The following SDCCAG8 variants were observed in gnomAD, a reference collection of about 807,000 sequenced individuals.
The protein encoded by SDCCAG8 is serologically defined colon cancer antigen 8.
Under a neutral mutation model 101.8 loss-of-function variants are expected in SDCCAG8, and 74 were observed. The observed-to-expected ratio is 0.73, with a 90% CI of 0.60 to 0.88. The LOEUF (loss-of-function observed/expected upper bound fraction) is 0.88. Among genes scored for constraint, SDCCAG8 ranks in the 40% least tolerant of loss-of-function variants. The pLI, the probability that SDCCAG8 is intolerant of heterozygous loss-of-function variation, is 0.00. For missense variants in SDCCAG8, 787 were observed against 822.6 expected (o/e 0.96, Z 0.53); for synonymous variants, 281 against 292.9 (o/e 0.96, Z 0.41).
chr1:243,446,139 A>C (rs1247319290), intron 16 of SDCCAG8, among the ~76,000 whole-genome samples: 1 of 152,232 alleles, frequency 6.6e-6, no homozygotes, highest in East Asian at 1.9e-4. Flanking sequence ...GATCAGGGTA[A>C]GTGGTGCTCC....
chr1:243,495,487 G>GGAAGAATGGCCGCTGCCCTGCGAT (rs1667595281), intron 17 of SDCCAG8, among the ~76,000 whole-genome samples: 1 of 152,236 alleles, frequency 6.6e-6, no homozygotes, highest in Admixed American at 6.5e-5. Flanking sequence ...CAGCCAGGAG[G>GGAAGAATGGCCGCTGCCCTGCGAT]GAAGAATGGC....
At chr1:243,499,695 G>C (rs747461445) in intron 17 of SDCCAG8, 61 bp from the exon 18 acceptor site, 1 of 1,327,776 alleles carries the variant, frequency 7.5e-7, no homozygotes, top group Non-Finnish European at 1.1e-6. Context: ...CAGCAAATGA[G>C]AAGACAAATA....
chr1:243,478,956 C>CAAAAAAAAAAAAAAAAAAAAAAAA (rs148382740), intron 16 of SDCCAG8, among the ~76,000 whole-genome samples: 3 of 94,724 alleles, frequency 3.2e-5, no homozygotes, highest in African/African-American at 1.3e-4. Context: ...GACTCTGTCT[C>CAAAAAAAAAAAAAAAAAAAAAAAA]AAAAAAAAAA....
chr1:243,423,493 T>G (rs1436069943), intron 15 of SDCCAG8, among the ~76,000 whole-genome samples: 1 of 152,170 alleles, frequency 6.6e-6, no homozygotes, highest in Non-Finnish European at 1.5e-5. Flanking sequence ...AAAACTTTAT[T>G]AAATGATTTG....
intron 10 of SDCCAG8, among the ~76,000 whole-genome samples, chr1:243,339,109 G>A (rs1453668326): frequency 1.3e-5 from 2 of 151,252 alleles, no homozygotes; most frequent in Non-Finnish European, 2.9e-5. Flanking sequence ...AGTGGGGTGG[G>A]CGGCAGGAGG....
At chr1:243,354,385 G>A (rs892348684) in intron 12 of SDCCAG8, among the ~76,000 whole-genome samples, 1 of 152,150 alleles carries the variant, frequency 6.6e-6, no homozygotes, top group Non-Finnish European at 1.5e-5. Flanking sequence ...ACTGTCATCT[G>A]CAATTTTAGA....
intron 3 of SDCCAG8, among the ~76,000 whole-genome samples, chr1:243,274,065 TCTGCAGG>T (rs2068314568): frequency 6.6e-6 from 1 of 152,218 alleles, no homozygotes; most frequent in Non-Finnish European, 1.5e-5. Context: ...AGCTCATGGT[TCTGCAGG>T]CTGTATAGGA....
chr1:243,316,535 T>C (rs2073251589), intron 8 of SDCCAG8, among the ~76,000 whole-genome samples: 1 of 152,204 alleles, frequency 6.6e-6, no homozygotes, highest in Non-Finnish European at 1.5e-5. Flanking sequence ...CCCGCACAGA[T>C]GCCGTCCTGC....
intron 13 of SDCCAG8, among the ~76,000 whole-genome samples, chr1:243,408,594 C>G (rs1413130503): frequency 6.6e-6 from 1 of 152,114 alleles, no homozygotes; most frequent in Non-Finnish European, 1.5e-5. Context: ...CACTTGTTAT[C>G]CTTTCAACCT....
chr1:243,368,196 A>AAT (rs746109269), intron 12 of SDCCAG8, among the ~76,000 whole-genome samples: 1 of 131,204 alleles, frequency 7.6e-6, no homozygotes, highest in African/African-American at 2.9e-5. Context: ...ACACTAAGAC[A>AAT]ATGAGACCCT....
At chr1:243,350,853 G>C (rs1255143650) in intron 12 of SDCCAG8, among the ~76,000 whole-genome samples, 1 of 152,148 alleles carries the variant, frequency 6.6e-6, no homozygotes, top group Non-Finnish European at 1.5e-5. Context: ...TGAAGACCCA[G>C]CTCATGGACC....
intron 13 of SDCCAG8, among the ~76,000 whole-genome samples, chr1:243,410,234 A>C (rs1474583610): frequency 1.3e-5 from 2 of 152,168 alleles, no homozygotes; most frequent in African/African-American, 4.8e-5. Context: ...GAATACTACC[A>C]AAGAGGGATT....
chr1:243,389,413 G>A (rs2078558921), intron 13 of SDCCAG8, among the ~76,000 whole-genome samples: 1 of 152,156 alleles, frequency 6.6e-6, no homozygotes, highest in Non-Finnish European at 1.5e-5. Flanking sequence ...GCATGCACAT[G>A]TATTGTGCTT....
intron 16 of SDCCAG8, chr1:243,476,405 G>A (rs1180256523): frequency 1.0e-6 from 1 of 970,574 alleles, no homozygotes; most frequent in Non-Finnish European, 1.2e-6. Context: ...AGCTGCTGTG[G>A]GCCCAATCTT....
intron 13 of SDCCAG8, among the ~76,000 whole-genome samples, chr1:243,412,055 T>C (rs1326807403): frequency 6.6e-6 from 1 of 152,176 alleles, no homozygotes; most frequent in African/African-American, 2.4e-5. Context: ...TCTTACGAAG[T>C]ATTTTGCCAT....
intron 1 of SDCCAG8, among the ~76,000 whole-genome samples, chr1:243,256,447 G>GTTAC (rs1289446394): frequency 6.6e-6 from 1 of 152,232 alleles, no homozygotes; most frequent in Non-Finnish European, 1.5e-5. Flanking sequence ...GATTCCCGTA[G>GTTAC]TTACCTCAAT....
intron 11 of SDCCAG8, 120 bp from the exon 12 acceptor site, chr1:243,344,095 C>G: frequency 1.3e-6 from 1 of 785,806 alleles, no homozygotes; most frequent in Non-Finnish European, 2.3e-6. Flanking sequence ...AAATGGCATT[C>G]TTAGAAAAGT....
intron 9 of SDCCAG8, among the ~76,000 whole-genome samples, chr1:243,320,850 T>C (rs1268374172): frequency 6.6e-6 from 1 of 152,230 alleles, no homozygotes; most frequent in African/African-American, 2.4e-5. Flanking sequence ...TCTTTGTATG[T>C]GCCATGTGCA....
At chr1:243,346,768 G>T (rs1030924674) in intron 12 of SDCCAG8, among the ~76,000 whole-genome samples, 1 of 152,132 alleles carries the variant, frequency 6.6e-6, no homozygotes, top group African/African-American at 2.4e-5. Flanking sequence ...CAGCCTCAGA[G>T]GATGCTTCTT....
Sources: allele counts gnomAD v4.1 joint callset (sites outside exome capture counted in the v4.1 genomes callset), GRCh38; gene constraint gnomAD v4.1.1; transcripts MANE v1.5; gene names NCBI Gene and HGNC (gene_info 2026-07-23, HGNC 2026-07-21).